FASN: variants seen among roughly 807,000 people sequenced by gnomAD.
FASN encodes 3-hydroxyacyl-[acyl-carrier-protein] dehydratase.
In FASN, 50 loss-of-function variants were observed where a neutral mutation model predicts 250.0. The observed-to-expected ratio is 0.20, with a 90% CI of 0.16 to 0.25. The LOEUF is 0.25. Ranked by LOEUF, FASN falls within the 10% of genes least tolerant of loss-of-function variation. FASN has a pLI of 1.00. For synonymous variants in FASN, 1,909 were observed against 1,584.0 expected (o/e 1.21, Z -4.87); for missense variants, 3,031 against 3,498.5 (o/e 0.87, Z 3.37).
At chr17:82,086,004 G>A in intron 22 of FASN, 133 bp from the exon 23 acceptor site, 1 of 1,251,370 alleles carries the variant, frequency 8.0e-7, no homozygotes, top group Non-Finnish European at 1.1e-6. Context: ...GCCAGCCATG[G>A]GCACGCATGG....
chr17:82,093,779 A>C lies in FASN; in HGVS notation c.281-8T>G. 6.2e-7 allele frequency: 1 copy of C among 1,612,196 alleles called. No individual in the cohort carries two copies. Among genetic ancestry groups the C allele is most frequent in the Non-Finnish European group, 8.5e-7 (1 of 1,179,810 alleles). Reference sequence around the variant, plus strand: ...GTGAATCTGGGTTGATGCCTGCCACAAACAGTGGTCAAGGTGCCACGGCCG... The same window carrying C: ...GTGAATCTGGGTTGATGCCTGCCACCAACAGTGGTCAAGGTGCCACGGCCG... On this transcript the variant is annotated splice_polypyrimidine_tract_variant and splice_region_variant and intron_variant, in intron 3 of 42. Transcript: ENST00000306749.
At chr17:82,094,589 G>A (rs1036156921) in intron 3 of FASN, among the ~76,000 whole-genome samples, 1 of 151,928 alleles carries the variant, frequency 6.6e-6, no homozygotes, top group Non-Finnish European at 1.5e-5. Context: ...AAGAGATCGA[G>A]ACCATCCTGG....
At chr17:82,082,716 G>A in intron 33 of FASN, 38 bp from the exon 34 acceptor site, 1 of 1,602,402 alleles carries the variant, frequency 6.2e-7, no homozygotes. Flanking sequence ...CTGGGCCAGG[G>A]TACGGTCTCT....
Position 82,080,771 on chromosome 17 carries a change from T to A in FASN, c.6747A>T (p.Pro2249=). The A allele has an allele frequency of 6.2e-7, 1 of 1,604,706 alleles. No individual in the cohort carries two copies. Among genetic ancestry groups the A allele is most frequent in the Non-Finnish European group, 8.5e-7 (1 of 1,176,892 alleles). Residue 2249 remains proline (P), a synonymous_variant, in exon 39 of 43, where the codon CCA becomes CCT. Transcript: ENST00000306749. The part of the protein sequence containing the change: ...SSERPLFLVH[P]IEGSTTVFHS... ...GGAACACGGTGGTGGAGCCCTCGAT[T>A]GGGTGCACCAGGAACAGGGGCCGCT... is the stretch of plus-strand genomic sequence containing the variant.
At chr17:82,088,902 C>T in intron 14 of FASN, 26 bp from the exon 15 acceptor site, 1 of 1,610,964 alleles carries the variant, frequency 6.2e-7, no homozygotes, top group Non-Finnish European at 8.5e-7. Flanking sequence ...CAGGTGGGCT[C>T]TCTTGGTGCT....
At position 82,088,823 on chromosome 17, in the gene FASN, C is replaced by T. The variant is rs766966735; in HGVS notation, c.2358G>A (p.Lys786=). ...KPSCTIIPLM[K]KDHRDNLEFF... Reference sequence around the variant, plus strand: ...ACTCCAGGTTGTCCCTGTGATCCTTCTTCATCAGGGGGATGATGGTGCAGC... The same window carrying T: ...ACTCCAGGTTGTCCCTGTGATCCTTTTTCATCAGGGGGATGATGGTGCAGC... Residue 786 remains lysine, a synonymous_variant, in exon 15 of 43, where the codon AAG becomes AAA. Coordinates refer to ENST00000306749, the MANE Select transcript of FASN (RefSeq NM_004104.5). The T allele has an allele frequency of 1.2e-6, 2 of 1,612,608 alleles. No individual in the cohort carries two copies. The highest frequency in any genetic ancestry group is 2.2e-5 in the South Asian group (2 of 91,086).
At chr17:82,095,271 C>T (rs1379748851) in intron 3 of FASN, 49 bp downstream of exon 3, 13 of 1,599,380 alleles carry the variant, frequency 8.1e-6, no homozygotes, top group South Asian at 3.3e-5. Flanking sequence ...GCCTATTCCA[C>T]GTGAGCAGCA....
intron 6 of FASN, 31 bp downstream of exon 6, chr17:82,092,866 C>A (rs2144806766): frequency 1.3e-6 from 2 of 1,590,384 alleles, no homozygotes; most frequent in East Asian, 2.3e-5. Flanking sequence ...CCACCTGCCC[C>A]CCAGCACCCC....
rs748724375 is a variant in FASN at position 82,083,406 on chromosome 17, C to T, written c.5361G>A (p.Lys1787=). ...NHPLGMAIFL[K]NVTFHGVLLD... is the part of the protein sequence containing the mutation. ...GTAGGACCCCGTGGAATGTCACGTT[C>T]TTCAGGAAGATAGCCATGCCTGCGG... Residue 1787 remains lysine, a synonymous_variant, in exon 32 of 43, where the codon AAG becomes AAA. Coordinates refer to ENST00000306749, the MANE Select transcript of FASN (RefSeq NM_004104.5). The T allele has an allele frequency of 8.7e-6, 14 of 1,612,662 alleles. No homozygotes were observed. The highest frequency in any genetic ancestry group is 2.7e-5 in the African/African-American group (2 of 74,946).
rs200109185 is a variant in FASN at position 82,083,637 on chromosome 17, C to T, written c.5221G>A (p.Val1741Ile). Residue 1741 changes from valine (V) to isoleucine (I), a missense_variant and splice_region_variant, in exon 31 of 43, where the codon GTT becomes ATT. Transcript: ENST00000306749. ...HVLWHTGGKG[V>I]DLVLNSLAEE... ...GCCAAGGAGTTCAAGACCAGGTCAA[C>T]GCCTAGGGGGCCAGAGGGGCCAGAC... 1.1e-5 allele frequency: 18 copies of T among 1,607,696 alleles called. No homozygotes were observed. Among genetic ancestry groups the T allele is most frequent in the African/African-American group, 9.3e-5 (7 of 75,002 alleles).
chr17:82,095,249 A>C, intron 3 of FASN, 71 bp downstream of exon 3: 13 of 1,548,366 alleles, frequency 8.4e-6, no homozygotes, highest in African/African-American at 2.7e-5. Context: ...AGAACCAAGA[A>C]GAGAAAACAC....
intron 37 of FASN, 77 bp downstream of exon 37, chr17:82,081,524 G>A (rs1339070260): frequency 8.1e-6 from 13 of 1,600,470 alleles, no homozygotes; most frequent in Admixed American, 6.7e-5. Context: ...AGGCGCACAG[G>A]GGCACGACTG....
In FASN at chr17:82,080,606, C is replaced by T. The variant is rs573777188; in HGVS notation, c.6827-16G>A. On this transcript the variant is annotated splice_polypyrimidine_tract_variant and intron_variant, in intron 39 of 42. Coordinates refer to ENST00000306749, the MANE Select transcript of FASN (RefSeq NM_004104.5). ...AGGGGCGCAGCTGCAATGGCAGTGC[C>T]GGGCACTCAGCATGTGCAGGCGGCA... is the stretch of plus-strand genomic sequence containing the variant. 1.7e-5 allele frequency: 27 copies of T among 1,552,508 alleles called. No homozygotes were observed. In the South Asian group the frequency reaches 2.0e-4, roughly 12 times the overall value.
intron 27 of FASN, 61 bp downstream of exon 27, chr17:82,084,452 T>C: frequency 6.3e-7 from 1 of 1,585,428 alleles, no homozygotes; most frequent in Non-Finnish European, 8.6e-7. Flanking sequence ...AGGCAGGTCC[T>C]AGCTGCTGGG....
rs1250878038 is a variant in FASN, at chr17:82,088,898, G to C, written c.2305-22C>G. ...CAGCCTGGGGGCGGCAGGGCAGGTG[G>C]GCTCTCTTGGTGCTCAGCTGAGGCG... On this transcript the variant is annotated intron_variant, in intron 14 of 42. Transcript: ENST00000306749. 2.5e-6 allele frequency: 4 copies of C among 1,610,338 alleles called. No homozygotes were observed. The African/African-American group carries it at 4.0e-5, about 16-fold the overall frequency.
chr17:82,091,119 G>A (rs750915293), intron 9 of FASN, 50 bp from the exon 10 acceptor site: 4 of 1,606,110 alleles, frequency 2.5e-6, no homozygotes, highest in Non-Finnish European at 3.4e-6. Context: ...GTGCCACTGT[G>A]TGCCCATCCC....
Position 82,088,581 on chromosome 17 carries a change from TG to T in FASN, c.2421-20del. The T allele has an allele frequency of 6.2e-7, 1 of 1,601,240 alleles. No homozygotes were observed. The highest frequency in any genetic ancestry group is 8.5e-7 in the Non-Finnish European group (1 of 1,173,168). On this transcript the variant is annotated intron_variant, in intron 15 of 42. Transcript: ENST00000306749. ...GTCGATGCTACGGAGAAGGGAGGCA[TG>T]GGTAGCACACCCGTCACCGGGGTCC...
At position 82,087,210 on chromosome 17, in the gene FASN, G is replaced by C. The variant is rs4485435; in HGVS notation, c.3267C>G (p.Ala1089=). Residue 1089 remains alanine, a synonymous_variant, in exon 21 of 43, where the codon GCC becomes GCG. Transcript: ENST00000306749. ...VVSRWLRVTV[A]GGVHISGLHT... is the part of the protein sequence containing the mutation. ...GGAGCCCGGAGATGTGGACGCCTCC[G>C]GCCACTGTGACCCTCAGCCACCTGC... 0.18 allele frequency: 293,393 copies of C among 1,605,686 alleles called. 30,183 individuals are homozygous for C. Among genetic ancestry groups the C allele is most frequent in the Admixed American group, 0.4 (23,493 of 58,276 alleles).
rs1192130929 is a variant in FASN, at chr17:82,081,716, G to A, written c.6291C>T (p.Leu2097=). 6.2e-7 allele frequency: 1 copy of A among 1,612,714 alleles called. No individual in the cohort carries two copies. Among genetic ancestry groups the A allele is most frequent in the Middle Eastern group, 1.6e-4 (1 of 6,062 alleles). Reference sequence around the variant, plus strand: ...GGACCATGTGGGGCTGGTTCAGGAAGAGGTCCAGCACCTCCAGGCAGGACG... The same window carrying A: ...GGACCATGTGGGGCTGGTTCAGGAAAAGGTCCAGCACCTCCAGGCAGGACG... ...RMASCLEVLD[L]FLNQPHMVLS... Residue 2097 remains leucine, a synonymous_variant, in exon 37 of 43, where the codon CTC becomes CTT. Coordinates refer to ENST00000306749, the MANE Select transcript of FASN (RefSeq NM_004104.5).
Sources: gnomAD v4.1 joint callset for allele counts (sites outside exome capture counted in the v4.1 genomes callset) on GRCh38, gnomAD v4.1.1 for gene constraint, MANE v1.5 for transcripts, NCBI Gene and HGNC (gene_info 2026-07-23, HGNC 2026-07-21) for gene names.